Variants in VAV3 observed in about 807,000 individuals in gnomAD.
The protein encoded by VAV3 is guanine nucleotide exchange factor VAV3.
In VAV3, 94 loss-of-function variants were observed where a neutral mutation model predicts 131.2. The observed-to-expected ratio is 0.72, with a 90% CI of 0.61 to 0.85. VAV3 has a LOEUF of 0.85. Among genes scored for constraint, VAV3 ranks in the 40% least tolerant of loss-of-function variants. The probability of loss-of-function intolerance (pLI) is 0.00; values close to 1 mark genes in which losing one functional copy is unlikely to be tolerated. For missense variants in VAV3, 939 were observed against 1,002.7 expected (o/e 0.94, Z 0.86); for synonymous variants, 349 against 342.0 (o/e 1.02, Z -0.22).
At chr1:107,832,426 G>A (rs1243081445) in intron 2 of VAV3, among the ~76,000 whole-genome samples, 1 of 152,164 alleles carries the variant, frequency 6.6e-6, no homozygotes, top group East Asian at 1.9e-4. Context: ...CGTGGACCGG[G>A]TCTTTAACAG....
At chr1:107,666,453 G>A (rs1657414864) in intron 19 of VAV3, among the ~76,000 whole-genome samples, 1 of 152,186 alleles carries the variant, frequency 6.6e-6, no homozygotes, top group South Asian at 2.1e-4. Context: ...ACTATGGCAG[G>A]TAGGTGAAAT....
At chr1:107,727,615 A>G (rs946678202) in intron 15 of VAV3, among the ~76,000 whole-genome samples, 3 of 152,208 alleles carry the variant, frequency 2.0e-5, no homozygotes, top group Non-Finnish European at 4.4e-5. Flanking sequence ...CTATTTCCCA[A>G]TCAGTCAAGT....
At chr1:107,895,560 G>A (rs982905453) in intron 1 of VAV3, among the ~76,000 whole-genome samples, 2 of 152,084 alleles carry the variant, frequency 1.3e-5, no homozygotes, top group African/African-American at 2.4e-5. Flanking sequence ...AGAGGAGGTA[G>A]GATTCAAACT....
intron 1 of VAV3, among the ~76,000 whole-genome samples, chr1:107,954,217 T>C (rs934003048): frequency 1.3e-5 from 2 of 152,196 alleles, no homozygotes; most frequent in Admixed American, 6.5e-5. Context: ...ATATTTATAA[T>C]AGAAAAAAAA....
intron 2 of VAV3, among the ~76,000 whole-genome samples, chr1:107,869,467 T>A (rs1670155719): frequency 6.6e-6 from 1 of 152,118 alleles, no homozygotes; most frequent in African/African-American, 2.4e-5. Flanking sequence ...ACCTTGGACC[T>A]TGACACTCTG....
intron 1 of VAV3, 120 bp downstream of exon 1, chr1:107,964,546 A>T: frequency 8.8e-7 from 1 of 1,140,180 alleles, no homozygotes; most frequent in African/African-American, 1.6e-5. Flanking sequence ...CCCAAAGCAG[A>T]AGGCTGGGAA....
At chr1:107,777,511 A>G (rs529981327) in intron 3 of VAV3, among the ~76,000 whole-genome samples, 1 of 152,304 alleles carries the variant, frequency 6.6e-6, no homozygotes, top group African/African-American at 2.4e-5. Context: ...AACACCTGCC[A>G]CCTGAAATCA....
At chr1:107,695,871 T>G (rs1004915103) in intron 17 of VAV3, among the ~76,000 whole-genome samples, 43 of 152,110 alleles carry the variant, frequency 2.8e-4, no homozygotes, top group African/African-American at 9.4e-4. Context: ...CATTAAAAGG[T>G]AGAGTAAAAG....
intron 20 of VAV3, among the ~76,000 whole-genome samples, chr1:107,631,878 T>A (rs1250198421): frequency 1.3e-5 from 2 of 152,076 alleles, no homozygotes; most frequent in Non-Finnish European, 1.5e-5. Context: ...AGTCTATCAT[T>A]GTTGGACATT....
chr1:107,811,546 T>C (rs1026858110), intron 2 of VAV3, among the ~76,000 whole-genome samples: 1 of 152,184 alleles, frequency 6.6e-6, no homozygotes, highest in African/African-American at 2.4e-5. Context: ...ATTATTTCCT[T>C]ACCTTACACC....
chr1:107,771,985 T>A (rs550178053), intron 5 of VAV3, among the ~76,000 whole-genome samples: 5 of 152,252 alleles, frequency 3.3e-5, no homozygotes, highest in African/African-American at 1.2e-4. Context: ...ATCAGCCTTT[T>A]ATTAACAGTA....
intron 1 of VAV3, among the ~76,000 whole-genome samples, chr1:107,899,414 C>T (rs1046413325): frequency 6.6e-6 from 1 of 152,108 alleles, no homozygotes; most frequent in Admixed American, 6.5e-5. Flanking sequence ...TCATGTTCAA[C>T]GACCTTACAG....
intron 15 of VAV3, among the ~76,000 whole-genome samples, chr1:107,714,934 T>C (rs914125283): frequency 6.6e-6 from 1 of 152,178 alleles, no homozygotes; most frequent in African/African-American, 2.4e-5. Flanking sequence ...TAATTTTAAA[T>C]ATACATCTGT....
At chr1:107,923,553 C>G (rs1445021198) in intron 1 of VAV3, among the ~76,000 whole-genome samples, 2 of 152,124 alleles carry the variant, frequency 1.3e-5, no homozygotes, top group Non-Finnish European at 2.9e-5. Context: ...ACTCACAGTT[C>G]TGCATGGCTG....
At chr1:107,917,449 T>TG (rs781536860) in intron 1 of VAV3, among the ~76,000 whole-genome samples, 1 of 152,178 alleles carries the variant, frequency 6.6e-6, no homozygotes, top group Non-Finnish European at 1.5e-5. Context: ...TTCTAGCCAT[T>TG]GGTCTATCTG....
intron 20 of VAV3, among the ~76,000 whole-genome samples, chr1:107,621,218 G>T (rs1653576301): frequency 6.6e-6 from 1 of 151,906 alleles, no homozygotes; most frequent in Non-Finnish European, 1.5e-5. Flanking sequence ...AGCAGTTCAG[G>T]TCCCATTTCT....
chr1:107,736,236 C>T (rs1314267239), intron 15 of VAV3, among the ~76,000 whole-genome samples: 1 of 152,132 alleles, frequency 6.6e-6, no homozygotes, highest in African/African-American at 2.4e-5. Context: ...TTATGACAAA[C>T]CCACAGCCAA....
intron 15 of VAV3, among the ~76,000 whole-genome samples, chr1:107,732,265 A>G (rs1662290805): frequency 6.6e-6 from 1 of 152,240 alleles, no homozygotes; most frequent in South Asian, 2.1e-4. Context: ...CCGAATAGGA[A>G]CAGCTCCGGT....
intron 20 of VAV3, among the ~76,000 whole-genome samples, chr1:107,627,821 G>T (rs1654142947): frequency 6.6e-6 from 1 of 152,104 alleles, no homozygotes; most frequent in Admixed American, 6.6e-5. Flanking sequence ...ACATCATAAA[G>T]TATAATTTAA....
Sources: gnomAD v4.1 joint callset for allele counts (sites outside exome capture counted in the v4.1 genomes callset) on GRCh38, gnomAD v4.1.1 for gene constraint, MANE v1.5 for transcripts, NCBI Gene and HGNC (gene_info 2026-07-23, HGNC 2026-07-21) for gene names.